The following ARHGEF28 variants were observed in gnomAD, a reference collection of about 807,000 sequenced individuals.
The protein encoded by ARHGEF28 is Rho guanine nucleotide exchange factor 28, also known as 190 kDa guanine nucleotide exchange factor.
ARHGEF28 carries 152 observed loss-of-function variants against 206.6 expected under a neutral mutation model. The ratio of observed to expected loss-of-function variants is 0.74; its 90% CI spans 0.64 to 0.84. ARHGEF28 has a LOEUF of 0.84. ARHGEF28 is among the 40% of genes least tolerant of loss of function. The pLI is 0.00. For missense variants in ARHGEF28, 2,028 were observed against 2,073.2 expected (o/e 0.98, Z 0.42); for synonymous variants, 763 against 776.4 (o/e 0.98, Z 0.29).
At chr5:73,821,583 T>A (rs62357746) in intron 9 of ARHGEF28, among the ~76,000 whole-genome samples, 19,600 of 152,174 alleles carry the variant, frequency 0.13, 1,342 homozygotes, top group African/African-American at 0.16. Flanking sequence ...CTCATTAGTT[T>A]GTTTATATTT....
At chr5:73,796,877 T>C (rs562477848) in intron 9 of ARHGEF28, among the ~76,000 whole-genome samples, 36 of 152,336 alleles carry the variant, frequency 2.4e-4, no homozygotes, top group African/African-American at 8.4e-4. Flanking sequence ...ATGTCTCAGC[T>C]ACAAATTGCA....
At chr5:73,658,802 T>C (rs962563221) in intron 1 of ARHGEF28, among the ~76,000 whole-genome samples, 3 of 152,220 alleles carry the variant, frequency 2.0e-5, no homozygotes, top group Admixed American at 1.3e-4. Context: ...CTGATTATAA[T>C]TGAGTTTTGC....
intron 2 of ARHGEF28, among the ~76,000 whole-genome samples, chr5:73,716,485 A>G (rs1749591200): frequency 1.3e-5 from 2 of 152,184 alleles, no homozygotes; most frequent in African/African-American, 2.4e-5. Context: ...CCAGTGTCCT[A>G]TTTAGGGCAG....
intron 35 of ARHGEF28, among the ~76,000 whole-genome samples, chr5:73,938,200 A>AC (rs1554033521): frequency 1.9e-4 from 28 of 145,270 alleles, no homozygotes; most frequent in Non-Finnish European, 3.0e-4. Context: ...ACACACACAC[A>AC]ACTCCCCATC....
chr5:73,880,930 C>G (rs1580038798), intron 22 of ARHGEF28, among the ~76,000 whole-genome samples: 2 of 101,898 alleles, frequency 2.0e-5, no homozygotes, highest in African/African-American at 8.9e-5. Context: ...AAGTGGCACC[C>G]TGCCTCAAAA....
chr5:73,628,883 CAT>C (rs1281440256), intron 1 of ARHGEF28, among the ~76,000 whole-genome samples: 1 of 152,156 alleles, frequency 6.6e-6, no homozygotes, highest in African/African-American at 2.4e-5. Context: ...GATACTCTGC[CAT>C]TTTGTCCAGT....
At chr5:73,711,026 T>G (rs1749212990) in intron 2 of ARHGEF28, among the ~76,000 whole-genome samples, 1 of 152,202 alleles carries the variant, frequency 6.6e-6, no homozygotes, top group Non-Finnish European at 1.5e-5. Flanking sequence ...AAATAAGTAG[T>G]TCAATTGTTC....
chr5:73,686,288 A>G (rs533827432), intron 2 of ARHGEF28, among the ~76,000 whole-genome samples: 4 of 152,142 alleles, frequency 2.6e-5, no homozygotes, highest in Admixed American at 2.0e-4. Flanking sequence ...GTGCCTTCCT[A>G]TTCCTCACTC....
chr5:73,892,017 G>A (rs771969640), intron 26 of ARHGEF28, 35 bp from the exon 27 acceptor site: 29 of 1,565,694 alleles, frequency 1.9e-5, no homozygotes. Flanking sequence ...TAGCTAGGAT[G>A]CTGTTTCATC....
At chr5:73,917,288 C>T (rs766298473) in intron 35 of ARHGEF28, among the ~76,000 whole-genome samples, 2 of 152,154 alleles carry the variant, frequency 1.3e-5, no homozygotes, top group Admixed American at 6.5e-5. Flanking sequence ...CTTCTAGAAT[C>T]GTGACTATCA....
intron 9 of ARHGEF28, among the ~76,000 whole-genome samples, chr5:73,820,930 A>T (rs563669204): frequency 6.6e-6 from 1 of 152,010 alleles, no homozygotes; most frequent in African/African-American, 2.4e-5. Flanking sequence ...CTGCAAAGTG[A>T]TCTACTGCAG....
intron 16 of ARHGEF28, among the ~76,000 whole-genome samples, chr5:73,864,060 G>T (rs900943929): frequency 6.6e-6 from 1 of 152,080 alleles, no homozygotes; most frequent in Non-Finnish European, 1.5e-5. Flanking sequence ...CAGGCTCCTC[G>T]GTCTATGCTA....
At chr5:73,828,437 A>G (rs760547774) in intron 9 of ARHGEF28, among the ~76,000 whole-genome samples, 1 of 152,124 alleles carries the variant, frequency 6.6e-6, no homozygotes, top group African/African-American at 2.4e-5. Flanking sequence ...TTAAATCTAC[A>G]TGTCAGGTTC....
At chr5:73,799,381 G>A (rs2112494342) in intron 9 of ARHGEF28, among the ~76,000 whole-genome samples, 1 of 152,304 alleles carries the variant, frequency 6.6e-6, no homozygotes, top group African/African-American at 2.4e-5. Context: ...CTTTTAAGAG[G>A]TTGAATCTGA....
chr5:73,806,207 G>A lies in ARHGEF28; in HGVS notation c.1024+10816G>A, dbSNP rs114909402. 8.3e-3 allele frequency among the ~76,000 whole-genome samples: 1,092 copies of A among 131,006 alleles called. 7 individuals are homozygous for A. Among genetic ancestry groups the A allele is most frequent in the African/African-American group, 0.018 (610 of 33,268 alleles). The allele number at this position is 131,006 out of a possible 152,430, so 85.9% of individuals were successfully genotyped here. ...ACCTGTATATAGTATATATCGATAT[G>A]TACTATATATCGATATATAGTACAT... On this transcript the variant is annotated intron_variant, in intron 9 of 35. Coordinates refer to ENST00000513042, the MANE Select transcript of ARHGEF28 (RefSeq NM_001177693.2).
At chr5:73,839,411 T>C (rs1757848223) in intron 10 of ARHGEF28, among the ~76,000 whole-genome samples, 3 of 152,194 alleles carry the variant, frequency 2.0e-5, no homozygotes, top group African/African-American at 7.2e-5. Context: ...CCCTTTTGCT[T>C]CTTTTTCCCC....
chr5:73,641,092 A>G (rs190564537), intron 1 of ARHGEF28, among the ~76,000 whole-genome samples: 3 of 152,244 alleles, frequency 2.0e-5, no homozygotes, highest in Non-Finnish European at 2.9e-5. Context: ...TTCTGTACTC[A>G]TGGTCACAAA....
chr5:73,740,717 C>G (rs930992724), intron 2 of ARHGEF28, among the ~76,000 whole-genome samples: 1 of 152,150 alleles, frequency 6.6e-6, no homozygotes, highest in African/African-American at 2.4e-5. Context: ...CATCCTTGTC[C>G]TTTTCCTCTG....
chr5:73,850,106 C>T (rs750805943), intron 13 of ARHGEF28, among the ~76,000 whole-genome samples: 133 of 126,024 alleles, frequency 1.1e-3, no homozygotes, highest in Non-Finnish European at 1.7e-3. Context: ...ATTTTTATGC[C>T]ATGCAGAACA....
Sources: allele counts gnomAD v4.1 joint callset (sites outside exome capture counted in the v4.1 genomes callset), GRCh38; gene constraint gnomAD v4.1.1; transcripts MANE v1.5; gene names NCBI Gene and HGNC (gene_info 2026-07-23, HGNC 2026-07-21).